Variants in SKAP1 observed in about 807,000 individuals in gnomAD.
The protein encoded by SKAP1 is src kinase-associated phosphoprotein 1.
Under a neutral mutation model 58.5 loss-of-function variants are expected in SKAP1, and 44 were observed. The observed-to-expected ratio is 0.75, with a 90% CI of 0.59 to 0.97. SKAP1 has a LOEUF of 0.97. Ranked by LOEUF, SKAP1 falls within the 50% of genes least tolerant of loss-of-function variation. The pLI is 0.00. For missense variants in SKAP1, 390 were observed against 435.2 expected (o/e 0.90, Z 0.92); for synonymous variants, 127 against 149.7 (o/e 0.85, Z 1.11).
chr17:48,180,580 G>A (rs2064354753), intron 8 of SKAP1, among the ~76,000 whole-genome samples: 1 of 152,176 alleles, frequency 6.6e-6, no homozygotes, highest in African/African-American at 2.4e-5. Context: ...AAAAGCCAGT[G>A]TGCTGTACAC....
intron 7 of SKAP1, among the ~76,000 whole-genome samples, chr17:48,184,180 C>G (rs1024077527): frequency 6.6e-6 from 1 of 152,140 alleles, no homozygotes; most frequent in African/African-American, 2.4e-5. Context: ...TTGCCCCGAC[C>G]AGGTCCTCTA....
intron 2 of SKAP1, among the ~76,000 whole-genome samples, chr17:48,382,147 G>A (rs1445142150): frequency 6.6e-6 from 1 of 150,990 alleles, no homozygotes; most frequent in Non-Finnish European, 1.5e-5. Flanking sequence ...CACATGGTAT[G>A]TGTGTGATGA....
intron 12 of SKAP1, 98 bp from the exon 13 acceptor site, chr17:48,133,914 C>T (rs2144554917): frequency 6.6e-6 from 1 of 152,322 alleles, no homozygotes; most frequent in African/African-American, 2.4e-5. Flanking sequence ...CCCTGTCTCA[C>T]AGTTTCTCTG....
At chr17:48,273,905 G>C (rs2065665463) in intron 4 of SKAP1, among the ~76,000 whole-genome samples, 1 of 151,596 alleles carries the variant, frequency 6.6e-6, no homozygotes, top group Non-Finnish European at 1.5e-5. Context: ...GAACTCTGGT[G>C]ATTTATATTC....
intron 3 of SKAP1, among the ~76,000 whole-genome samples, chr17:48,362,067 G>A (rs924422014): frequency 1.3e-5 from 2 of 152,146 alleles, no homozygotes; most frequent in Non-Finnish European, 2.9e-5. Flanking sequence ...ACTTCCAAAT[G>A]CACTAAGACT....
rs536533376 is a variant in SKAP1, at chr17:48,155,226, C to G, written c.978+7243G>C. 8.6e-5 allele frequency among the ~76,000 whole-genome samples: 13 copies of G among 151,674 alleles called. No individual in the cohort carries two copies. In the South Asian group the frequency reaches 2.5e-3, roughly 29 times the overall value. On this transcript the variant is annotated intron_variant, in intron 11 of 12. Transcript: ENST00000336915. The stretch of plus-strand genomic sequence containing the variant: ...CACTGCAACCACTGCCTCCCGGGTT[C>G]AAGCGAGTCTCCTGCCTCAGCTTCC...
At chr17:48,209,307 C>A (rs192945526) in intron 4 of SKAP1, among the ~76,000 whole-genome samples, 1 of 152,272 alleles carries the variant, frequency 6.6e-6, no homozygotes, top group East Asian at 1.9e-4. Context: ...ACTGTCAAAC[C>A]TCCTATTTAA....
chr17:48,385,935 G>A (rs2067269918), intron 2 of SKAP1, among the ~76,000 whole-genome samples: 1 of 152,184 alleles, frequency 6.6e-6, no homozygotes, highest in African/African-American at 2.4e-5. Flanking sequence ...GTAGAGGGCT[G>A]TCGATAGGTC....
At chr17:48,184,220 A>T (rs1836862260) in intron 7 of SKAP1, among the ~76,000 whole-genome samples, 1 of 152,194 alleles carries the variant, frequency 6.6e-6, no homozygotes. Context: ...TACTATCGTC[A>T]CCAATATCTT....
At chr17:48,140,646 C>T (rs1458144827) in intron 11 of SKAP1, among the ~76,000 whole-genome samples, 1 of 152,162 alleles carries the variant, frequency 6.6e-6, no homozygotes, top group African/African-American at 2.4e-5. Flanking sequence ...ATCCTGACTC[C>T]AAAGCTATCT....
At chr17:48,411,660 T>C (rs181602424) in intron 1 of SKAP1, among the ~76,000 whole-genome samples, 34 of 152,286 alleles carry the variant, frequency 2.2e-4, no homozygotes, top group Admixed American at 5.2e-4. Context: ...TTAACAGTCA[T>C]AATCATGCTG....
intron 4 of SKAP1, chr17:48,294,276 T>C (rs904621750): frequency 6.6e-6 from 1 of 152,212 alleles, no homozygotes; most frequent in Non-Finnish European, 1.5e-5. Context: ...TCTCTGCTAT[T>C]AGTCTGAGGA....
In SKAP1 at chr17:48,163,627, C is replaced by T. The variant is rs183656376; in HGVS notation, c.878-1058G>A. Among the ~76,000 whole-genome samples, 102 of 152,256 alleles carry T rather than the reference C, an allele frequency of 6.7e-4. 1 individual carries two copies. In the East Asian group the frequency reaches 0.018, roughly 26 times the overall value. Reference sequence around the variant, plus strand: ...AGTCCTGGGTTCTAATTAAAATTCACATGATTTTGGGGGACTCTGTTCTAT... The same window carrying T: ...AGTCCTGGGTTCTAATTAAAATTCATATGATTTTGGGGGACTCTGTTCTAT... On this transcript the variant is annotated intron_variant, in intron 10 of 12. Transcript: ENST00000336915.
At position 48,181,412 on chromosome 17, in the gene SKAP1, G is replaced by A. The variant is rs113011738; in HGVS notation, c.631+982C>T. On this transcript the variant is annotated intron_variant, in intron 8 of 12. Transcript: ENST00000336915. ...AGGCACCTAGATGAGAGTGTACCCT[G>A]TAGTCTCGCCATCAATGTTCATGTT... Among the ~76,000 whole-genome samples, 6 of 152,260 alleles carry A rather than the reference G, an allele frequency of 3.9e-5. 2 individuals carry two copies. Among genetic ancestry groups the A allele is most frequent in the African/African-American group, 1.4e-4 (6 of 41,540 alleles).
At chr17:48,323,836 T>C (rs1451108310) in intron 4 of SKAP1, among the ~76,000 whole-genome samples, 1 of 152,050 alleles carries the variant, frequency 6.6e-6, no homozygotes, top group Admixed American at 6.6e-5. Context: ...GGCTGGCTAC[T>C]GTTCCTAACA....
At chr17:48,224,038 A>AGAGAAGAAGG (rs1372629777) in intron 4 of SKAP1, among the ~76,000 whole-genome samples, 1 of 52,404 alleles carries the variant, frequency 1.9e-5, no homozygotes, top group Non-Finnish European at 3.6e-5. Context: ...GAGAGAGAAG[A>AGAGAAGAAGG]AGGAGGAGGA....
At chr17:48,432,342 T>A (rs544995008), upstream of SKAP1, among the ~76,000 whole-genome samples, 1 of 151,766 alleles carries the variant, frequency 6.6e-6, no homozygotes, top group Non-Finnish European at 1.5e-5. Context: ...GGCAGGAGAA[T>A]CACATGAACC....
intron 4 of SKAP1, among the ~76,000 whole-genome samples, chr17:48,221,189 C>T (rs982737238): frequency 1.3e-5 from 2 of 151,994 alleles, no homozygotes; most frequent in Non-Finnish European, 2.9e-5. Flanking sequence ...AGCGCTTGAA[C>T]CTGGGAGGTG....
At chr17:48,349,710 TC>T (rs1396264155) in intron 3 of SKAP1, among the ~76,000 whole-genome samples, 1 of 152,166 alleles carries the variant, frequency 6.6e-6, no homozygotes, top group Non-Finnish European at 1.5e-5. Flanking sequence ...CAGGATGATT[TC>T]TCTATTCTTT....
Sources: allele counts gnomAD v4.1 joint callset (sites outside exome capture counted in the v4.1 genomes callset), GRCh38; gene constraint gnomAD v4.1.1; transcripts MANE v1.5; gene names NCBI Gene and HGNC (gene_info 2026-07-23, HGNC 2026-07-21).